Variants in TGFBRAP1 observed in about 807,000 individuals in gnomAD.
TGFBRAP1 encodes transforming growth factor-beta receptor-associated protein 1.
In TGFBRAP1, 20 loss-of-function variants were observed where a neutral mutation model predicts 83.2. The observed-to-expected ratio is 0.24, with a 90% CI of 0.17 to 0.35. The LOEUF is 0.35. TGFBRAP1 is among the 10% of genes least tolerant of loss of function. The pLI is 1.00. For missense variants in TGFBRAP1, 950 were observed against 1,099.4 expected (o/e 0.86, Z 1.92); for synonymous variants, 415 against 459.8 (o/e 0.90, Z 1.25).
chr2:105,267,098 T>A lies in TGFBRAP1; in HGVS notation c.*285A>T. 3.4e-6 allele frequency: 1 copy of A among 289,986 alleles called. No individual in the cohort carries two copies. The allele number at this position is 289,986 out of a possible 1,614,324, so 18.0% of individuals were successfully genotyped here. ...TTTTTTTTTTTTCAAAGTAGACCTCTGTCTTGGATTACTATGTACCTGGAC... is the reference window on the plus strand; with the variant it reads ...TTTTTTTTTTTTCAAAGTAGACCTCAGTCTTGGATTACTATGTACCTGGAC... On this transcript the variant is annotated 3_prime_UTR_variant, in exon 12 of 12. Transcript: ENST00000393359.
the TGFBRAP1 span, among the ~76,000 whole-genome samples, chr2:105,253,840 G>A: frequency 1.3e-5 from 2 of 152,226 alleles, no homozygotes; most frequent in South Asian, 4.1e-4. Flanking sequence ...TTTATTGGAG[G>A]GTTTTTAAAA....
chr2:105,253,518 A>G, the TGFBRAP1 span, among the ~76,000 whole-genome samples: 1 of 152,006 alleles, frequency 6.6e-6, no homozygotes, highest in Non-Finnish European at 1.5e-5. Flanking sequence ...TGCAGCCTTA[A>G]ACTCCTGGGC....
chr2:105,285,011 C>T (rs771492272), intron 4 of TGFBRAP1, among the ~76,000 whole-genome samples: 1 of 152,206 alleles, frequency 6.6e-6, no homozygotes, highest in Non-Finnish European at 1.5e-5. Flanking sequence ...TAGCAAAATG[C>T]ACATTAGGAA....
Position 105,307,904 on chromosome 2 carries a change from G to C in TGFBRAP1, c.398C>G (p.Pro133Arg). Residue 133 changes from proline to arginine, a missense_variant, in exon 2 of 12, where the codon CCC (proline) becomes CGC (arginine). By Grantham distance (103) the Pro-to-Arg change is moderately radical (BLOSUM62 -2). Coordinates refer to ENST00000393359, the MANE Select transcript of TGFBRAP1 (RefSeq NM_004257.6). ...ALNENPVSGDPFCVEVCIISV... is the reference protein window; with the variant it reads ...ALNENPVSGDRFCVEVCIISV... ...GATGATGCAAACTTCTACACAGAAG[G>C]GGTCCCCACTCACAGGGTTCTCGTT... 1 of 1,614,188 alleles carries C rather than the reference G, an allele frequency of 6.2e-7. No individual in the cohort carries two copies.
chr2:105,285,798 T>C (rs3792050), intron 4 of TGFBRAP1, among the ~76,000 whole-genome samples: 56,699 of 152,060 alleles, frequency 0.37, 11,103 homozygotes, highest in East Asian at 0.72. Context: ...AGCAGGCTGC[T>C]TAAACCTTTC....
intron 4 of TGFBRAP1, among the ~76,000 whole-genome samples, chr2:105,288,368 C>T (rs551930157): frequency 2.6e-5 from 4 of 152,094 alleles, no homozygotes; most frequent in Admixed American, 6.5e-5. Context: ...CCAGGGCTCT[C>T]GGCTATGGCT....
chr2:105,273,614 T>C lies in TGFBRAP1; in HGVS notation c.1742A>G (p.Asn581Ser), dbSNP rs776491684. ...GGCTTTAGGGTATTTTTTAAGGCAA[T>C]TGATAATGTCGTCTGGATTAAAACT... ...KNSFNPDDII[N>S]CLKKYPKALV... Residue 581 changes from asparagine (N) to serine (S), a missense_variant, in exon 9 of 12, where the codon AAT becomes AGT. Asn to Ser is a conservative substitution (Grantham distance 46, BLOSUM62 1). Coordinates refer to ENST00000393359, the MANE Select transcript of TGFBRAP1 (RefSeq NM_004257.6). The C allele has an allele frequency of 8.7e-6, 14 of 1,614,234 alleles. No individual in the cohort carries two copies. Among genetic ancestry groups the C allele is most frequent in the Non-Finnish European group, 1.1e-5 (13 of 1,180,034 alleles).
At chr2:105,250,994 C>G in the TGFBRAP1 span, among the ~76,000 whole-genome samples, 1 of 152,204 alleles carries the variant, frequency 6.6e-6, no homozygotes, top group East Asian at 1.9e-4. Context: ...GGCGTGATCT[C>G]GGCTCGCTAC....
At chr2:105,303,283 A>T (rs956155926) in intron 2 of TGFBRAP1, among the ~76,000 whole-genome samples, 4 of 152,198 alleles carry the variant, frequency 2.6e-5, no homozygotes, top group Non-Finnish European at 5.9e-5. Flanking sequence ...AAAATAAAAT[A>T]AAAAAGACAT....
At chr2:105,314,429 T>C (rs2104405351) in intron 1 of TGFBRAP1, among the ~76,000 whole-genome samples, 1 of 151,570 alleles carries the variant, frequency 6.6e-6, no homozygotes, top group East Asian at 2.0e-4. Context: ...TTTTTGTATT[T>C]TTAGTAGAGA....
chr2:105,284,706 A>C (rs1480131626), intron 4 of TGFBRAP1, among the ~76,000 whole-genome samples: 1 of 152,116 alleles, frequency 6.6e-6, no homozygotes, highest in Non-Finnish European at 1.5e-5. Flanking sequence ...TGTTTCTGGC[A>C]GTCCAGGAAC....
intron 2 of TGFBRAP1, 141 bp downstream of exon 2, chr2:105,307,473 G>T: frequency 2.2e-6 from 2 of 900,762 alleles, no homozygotes; most frequent in Non-Finnish European, 3.4e-6. Flanking sequence ...CACTGGTCAA[G>T]CACTGCTACC....
the TGFBRAP1 span, among the ~76,000 whole-genome samples, chr2:105,250,111 A>G: frequency 6.6e-6 from 1 of 152,200 alleles, no homozygotes; most frequent in Non-Finnish European, 1.5e-5. Context: ...AGCGATTGCC[A>G]TGGTCAAAGA....
At chr2:105,308,420 A>C in intron 1 of TGFBRAP1, 102 bp from the exon 2 acceptor site, 1 of 1,196,236 alleles carries the variant, frequency 8.4e-7, no homozygotes, top group African/African-American at 1.5e-5. Flanking sequence ...ATTTTCATTA[A>C]AGAAAGTCAT....
At chr2:105,316,475 GCGCGCA>G (rs373563757) in intron 1 of TGFBRAP1, among the ~76,000 whole-genome samples, 11,822 of 76,476 alleles carry the variant, frequency 0.15, 553 homozygotes, top group Non-Finnish European at 0.18. Context: ...GCGCGCGCGC[GCGCGCA>G]CGCGCACATA....
At chr2:105,267,955 A>C (rs1677000869) in intron 11 of TGFBRAP1, 1 of 887,746 alleles carries the variant, frequency 1.1e-6, no homozygotes, top group African/African-American at 1.8e-5. Flanking sequence ...AAATAAGAAA[A>C]GTAAAGCACA....
At chr2:105,256,797 G>C in the TGFBRAP1 span, among the ~76,000 whole-genome samples, 1 of 152,190 alleles carries the variant, frequency 6.6e-6, no homozygotes, top group Non-Finnish European at 1.5e-5. Context: ...TCTAATCACA[G>C]GATGAGATAG....
At chr2:105,310,952 G>C (rs920859943) in intron 1 of TGFBRAP1, among the ~76,000 whole-genome samples, 2 of 151,888 alleles carry the variant, frequency 1.3e-5, no homozygotes, top group African/African-American at 4.8e-5. Flanking sequence ...ACAAACTCTG[G>C]GCACCTACAA....
chr2:105,324,534 T>A (rs1009107308), intron 1 of TGFBRAP1, among the ~76,000 whole-genome samples: 1 of 152,186 alleles, frequency 6.6e-6, no homozygotes, highest in Non-Finnish European at 1.5e-5. Context: ...TGAGCCACTT[T>A]TAGAGGTGAT....
Sources: allele counts gnomAD v4.1 joint callset (sites outside exome capture counted in the v4.1 genomes callset), GRCh38; gene constraint gnomAD v4.1.1; transcripts MANE v1.5; gene names NCBI Gene and HGNC (gene_info 2026-07-23, HGNC 2026-07-21).